Variants in CNTNAP2 observed in about 807,000 individuals in gnomAD.
CNTNAP2 encodes contactin-associated protein-like 2.
Under a neutral mutation model 155.2 loss-of-function variants are expected in CNTNAP2, and 98 were observed. That is an observed-to-expected ratio of 0.63 (90% CI 0.54 to 0.75). The LOEUF is 0.75. Among genes scored for constraint, CNTNAP2 ranks in the 30% least tolerant of loss-of-function variants. CNTNAP2 has a pLI of 0.00. For synonymous variants in CNTNAP2, 651 were observed against 631.2 expected (o/e 1.03, Z -0.47); for missense variants, 1,727 against 1,688.1 (o/e 1.02, Z -0.40).
At chr7:146,559,897 C>T (rs946441891) in intron 1 of CNTNAP2, among the ~76,000 whole-genome samples, 2 of 151,988 alleles carry the variant, frequency 1.3e-5, no homozygotes, top group East Asian at 1.9e-4. Flanking sequence ...ATTAAATGCC[C>T]GTCTCCTTCC....
At position 146,930,294 on chromosome 7, in the gene CNTNAP2, A is replaced by C. The variant is rs577953172; in HGVS notation, c.402+90390A>C. 4.7e-4 allele frequency among the ~76,000 whole-genome samples: 72 copies of C among 152,262 alleles called. No homozygotes were observed. In the East Asian group the frequency reaches 0.014, roughly 29 times the overall value. On this transcript the variant is annotated intron_variant, in intron 3 of 23. Coordinates refer to ENST00000361727, the MANE Select transcript of CNTNAP2 (RefSeq NM_014141.6). ...GTGGGGGCCAATATGCAACATTCATAAAGAAAAGAATTTTCAACCCAGAAT... is the reference window on the plus strand; with the variant it reads ...GTGGGGGCCAATATGCAACATTCATCAAGAAAAGAATTTTCAACCCAGAAT...
chr7:147,179,445 A>G (rs942207423), intron 8 of CNTNAP2, among the ~76,000 whole-genome samples: 1 of 152,210 alleles, frequency 6.6e-6, no homozygotes, highest in Non-Finnish European at 1.5e-5. Flanking sequence ...GACAAAGAGG[A>G]GGCTAAACAC....
intron 13 of CNTNAP2, among the ~76,000 whole-genome samples, chr7:147,763,224 A>T (rs146345548): frequency 0.014 from 2,079 of 149,748 alleles, 50 homozygotes; most frequent in African/African-American, 0.048. Context: ...ATGCCATTGC[A>T]CTCCAGCCTG....
intron 13 of CNTNAP2, among the ~76,000 whole-genome samples, chr7:147,837,654 T>C (rs1413021979): frequency 6.6e-6 from 1 of 152,162 alleles, no homozygotes; most frequent in Non-Finnish European, 1.5e-5. Context: ...AGTTACACCC[T>C]AGATACAATG....
intron 1 of CNTNAP2, among the ~76,000 whole-genome samples, chr7:146,282,066 T>C (rs1054408575): frequency 2.6e-5 from 4 of 152,224 alleles, no homozygotes; most frequent in African/African-American, 4.8e-5. Context: ...AAAAAGTTTA[T>C]GTTAGCATTG....
intron 12 of CNTNAP2, among the ~76,000 whole-genome samples, chr7:147,577,890 T>C (rs1270392335): frequency 6.6e-6 from 1 of 152,124 alleles, no homozygotes; most frequent in East Asian, 1.9e-4. Context: ...ATCTTTTCTT[T>C]GGGAGTTCCA....
chr7:147,378,642 C>T (rs539453106), intron 9 of CNTNAP2, among the ~76,000 whole-genome samples: 9 of 151,958 alleles, frequency 5.9e-5, no homozygotes, highest in Non-Finnish European at 1.0e-4. Flanking sequence ...TGACAGTTAA[C>T]GGTTACAAAA....
At chr7:146,349,338 C>T (rs1794876639) in intron 1 of CNTNAP2, among the ~76,000 whole-genome samples, 1 of 152,162 alleles carries the variant, frequency 6.6e-6, no homozygotes. Flanking sequence ...AGAACGAATT[C>T]AACAGCAGTA....
intron 15 of CNTNAP2, among the ~76,000 whole-genome samples, chr7:147,996,775 A>G (rs906925814): frequency 1.3e-5 from 2 of 152,194 alleles, no homozygotes; most frequent in African/African-American, 4.8e-5. Flanking sequence ...GTCAAATTAA[A>G]CTCATTCAGA....
intron 16 of CNTNAP2, among the ~76,000 whole-genome samples, chr7:148,133,160 A>G (rs529246122): frequency 3.0e-4 from 45 of 152,186 alleles, no homozygotes; most frequent in Non-Finnish European, 4.9e-4. Flanking sequence ...CAGCCATATG[A>G]CAGTCTGATA....
intron 2 of CNTNAP2, among the ~76,000 whole-genome samples, chr7:146,781,465 T>A (rs1321624638): frequency 6.6e-6 from 1 of 152,084 alleles, no homozygotes; most frequent in Non-Finnish European, 1.5e-5. Flanking sequence ...ATACCACAGC[T>A]TGCTCAGATA....
intron 22 of CNTNAP2, among the ~76,000 whole-genome samples, chr7:148,409,069 T>G (rs889522791): frequency 5.9e-5 from 9 of 152,214 alleles, no homozygotes; most frequent in African/African-American, 1.9e-4. Flanking sequence ...TTCAACCAAA[T>G]GTAAGAAACA....
chr7:146,734,175 C>T lies in CNTNAP2; in HGVS notation c.98-40096C>T, dbSNP rs141625820. The stretch of plus-strand genomic sequence containing the variant: ...AGGTACAGAGGTACAGTAGGTGAGA[C>T]AAATTCATAGGCTGGCAGCAGCTTA... On this transcript the variant is annotated intron_variant, in intron 1 of 23. Transcript: ENST00000361727. 2.2e-4 allele frequency among the ~76,000 whole-genome samples: 33 copies of T among 152,154 alleles called. No homozygotes were observed. In the East Asian group the frequency reaches 6.2e-3, roughly 29 times the overall value.
intron 3 of CNTNAP2, among the ~76,000 whole-genome samples, chr7:146,947,578 T>C (rs9800941): frequency 0.15 from 9,778 of 65,142 alleles, 479 homozygotes; most frequent in African/African-American, 0.21. Context: ...TATATATACA[T>C]ATATATATAT....
intron 5 of CNTNAP2, among the ~76,000 whole-genome samples, chr7:147,119,536 C>A (rs1422283875): frequency 1.3e-5 from 2 of 152,164 alleles, no homozygotes; most frequent in Non-Finnish European, 2.9e-5. Flanking sequence ...GAATTTTCTT[C>A]CTCTCTCTTC....
At chr7:147,638,434 C>A (rs1795218095) in intron 12 of CNTNAP2, among the ~76,000 whole-genome samples, 1 of 152,172 alleles carries the variant, frequency 6.6e-6, no homozygotes, top group Admixed American at 6.5e-5. Flanking sequence ...AGAGATGCTT[C>A]TAACTAAAAT....
At chr7:146,419,262 C>T (rs1317520713) in intron 1 of CNTNAP2, among the ~76,000 whole-genome samples, 2 of 152,052 alleles carry the variant, frequency 1.3e-5, no homozygotes, top group African/African-American at 4.8e-5. Context: ...GACTTATTAA[C>T]TACCATGAGA....
At chr7:147,374,580 T>G (rs769935403) in intron 9 of CNTNAP2, among the ~76,000 whole-genome samples, 9 of 152,104 alleles carry the variant, frequency 5.9e-5, no homozygotes, top group Admixed American at 1.3e-4. Flanking sequence ...GATGTGTTCA[T>G]CTCTAGGTGA....
At chr7:148,097,097 T>C (rs578233497) in intron 15 of CNTNAP2, among the ~76,000 whole-genome samples, 2 of 152,278 alleles carry the variant, frequency 1.3e-5, no homozygotes, top group South Asian at 4.1e-4. Flanking sequence ...TGAGGTATTA[T>C]GGGACAAACT....
Sources: gnomAD v4.1 joint callset for allele counts (sites outside exome capture counted in the v4.1 genomes callset) on GRCh38, gnomAD v4.1.1 for gene constraint, MANE v1.5 for transcripts, NCBI Gene and HGNC (gene_info 2026-07-23, HGNC 2026-07-21) for gene names.